Variants in TAF2 observed in about 807,000 individuals in gnomAD.
TAF2 encodes the protein TATA-box binding protein associated factor 2, also known as transcription initiation factor TFIID subunit 2.
A neutral mutation model predicts 138.5 loss-of-function variants in TAF2; 61 were observed. That is an observed-to-expected ratio of 0.44 (90% CI 0.36 to 0.54). The LOEUF (loss-of-function observed/expected upper bound fraction) is 0.54. Ranked by LOEUF, TAF2 falls within the 20% of genes least tolerant of loss-of-function variation. TAF2 has a pLI of 0.00. For synonymous variants in TAF2, 475 were observed against 469.9 expected, an observed-to-expected ratio of 1.01 and a Z score of -0.14; for missense variants, 1,090 against 1,427.9, an observed-to-expected ratio of 0.76 and a Z score of 3.81.
At chr8:119,831,223 T>C (rs1303963462) in intron 2 of TAF2, among the ~76,000 whole-genome samples, 3 of 152,206 alleles carry the variant, frequency 2.0e-5, no homozygotes, top group African/African-American at 4.8e-5. Flanking sequence ...AGAGGGTTTC[T>C]AGATCTCAAA....
At chr8:119,766,757 C>T (rs1349067539) in intron 18 of TAF2, among the ~76,000 whole-genome samples, 1 of 151,976 alleles carries the variant, frequency 6.6e-6, no homozygotes, top group Non-Finnish European at 1.5e-5. Context: ...TTGCTTGAAC[C>T]CAGGAGGCAG....
In TAF2 at chr8:119,795,544, A is replaced by G. The variant is rs945220042; in HGVS notation, c.1179T>C (p.His393=). 6.2e-6 allele frequency: 10 copies of G among 1,613,476 alleles called. No individual in the cohort carries two copies. In the Admixed American group the frequency reaches 1.2e-4, roughly 19 times the overall value. ...TAGCTGTTATTACCTCTTTAATCCAATGGCGGTACTCATTAACACCAAAAG... is the reference window on the plus strand; with the variant it reads ...TAGCTGTTATTACCTCTTTAATCCAGTGGCGGTACTCATTAACACCAAAAG... The part of the protein sequence containing the change: ...KKTFGVNEYR[H]WIKEELDKIV... Residue 393 remains histidine (H), a synonymous_variant, in exon 9 of 26, where the codon CAT becomes CAC. Transcript: ENST00000378164.
intron 2 of TAF2, among the ~76,000 whole-genome samples, chr8:119,829,899 G>A (rs1403232184): frequency 8.3e-4 from 113 of 136,692 alleles, no homozygotes; most frequent in African/African-American, 3.0e-3. Context: ...TTGCTCCGTC[G>A]CCCAGGCTGG....
chr8:119,750,021 ACAC>A (rs1820240482), intron 22 of TAF2, among the ~76,000 whole-genome samples: 1 of 152,214 alleles, frequency 6.6e-6, no homozygotes, highest in Admixed American at 6.5e-5. Context: ...CTTGAGACAA[ACAC>A]CACCAAAGTA....
At chr8:119,810,129 A>G (rs1342684837) in intron 3 of TAF2, among the ~76,000 whole-genome samples, 1 of 152,016 alleles carries the variant, frequency 6.6e-6, no homozygotes, top group Non-Finnish European at 1.5e-5. Context: ...GGGGGTGTAC[A>G]GTTGTACAAA....
At chr8:119,777,351 C>T (rs1237702008) in intron 18 of TAF2, among the ~76,000 whole-genome samples, 1 of 152,036 alleles carries the variant, frequency 6.6e-6, no homozygotes, top group African/African-American at 2.4e-5. Context: ...TCTGATTTCC[C>T]TATCAGGTTG....
In TAF2 at chr8:119,732,105, G is replaced by A. The variant is rs1818913007; in HGVS notation, c.3419C>T (p.Ala1140Val). The A allele has an allele frequency of 6.2e-7, 1 of 1,613,998 alleles. No individual in the cohort carries two copies. The highest frequency in any genetic ancestry group is 1.3e-5 in the African/African-American group (1 of 74,904). Residue 1140 changes from alanine to valine, a missense_variant, in exon 26 of 26, where the codon GCC (alanine) becomes GTC (valine). Ala to Val is a moderately conservative substitution (Grantham distance 64). Coordinates refer to ENST00000378164, the MANE Select transcript of TAF2 (RefSeq NM_003184.4). ...PLSVFTKEST[A>V]SKHSDHHHHH... ...GTGATGGTGGTCACTGTGTTTGGAG[G>A]CTGTAGATTCCTTAGTAAAGACTGA...
intron 2 of TAF2, among the ~76,000 whole-genome samples, chr8:119,829,703 A>C (rs1180610250): frequency 6.6e-6 from 1 of 152,096 alleles, no homozygotes; most frequent in East Asian, 1.9e-4. Flanking sequence ...AGCCACATGC[A>C]ACTTCTATTG....
chr8:119,750,506 C>G (rs1820275783), intron 22 of TAF2, among the ~76,000 whole-genome samples: 1 of 152,192 alleles, frequency 6.6e-6, no homozygotes, highest in South Asian at 2.1e-4. Context: ...AAATACAACT[C>G]TCACTGGGTA....
intron 22 of TAF2, 140 bp from the exon 23 acceptor site, chr8:119,747,074 A>G (rs1214430381): frequency 1.2e-6 from 1 of 841,242 alleles, no homozygotes; most frequent in Non-Finnish European, 1.9e-6. Context: ...AATGAATACT[A>G]GACATCAACC....
intron 2 of TAF2, among the ~76,000 whole-genome samples, chr8:119,828,996 A>G (rs990519898): frequency 3.9e-5 from 6 of 152,224 alleles, no homozygotes; most frequent in African/African-American, 1.4e-4. Flanking sequence ...ACAAGTAGTC[A>G]GCCATTACCA....
chr8:119,823,796 T>A (rs975810429), intron 2 of TAF2, among the ~76,000 whole-genome samples: 4 of 152,336 alleles, frequency 2.6e-5, no homozygotes, highest in African/African-American at 7.2e-5. Flanking sequence ...AGTTTGGAAC[T>A]TCCTATAGAC....
At chr8:119,819,987 A>G (rs1825718259) in intron 2 of TAF2, among the ~76,000 whole-genome samples, 1 of 152,194 alleles carries the variant, frequency 6.6e-6, no homozygotes, top group Admixed American at 6.5e-5. Context: ...CAAGAGCTAC[A>G]AAAGATACCA....
chr8:119,760,302 C>T (rs1265724257), intron 20 of TAF2, among the ~76,000 whole-genome samples: 1 of 152,008 alleles, frequency 6.6e-6, no homozygotes, highest in Non-Finnish European at 1.5e-5. Flanking sequence ...TTCTTGAATC[C>T]TTCTTAGAAA....
intron 21 of TAF2, among the ~76,000 whole-genome samples, chr8:119,756,607 T>C (rs764154083): frequency 1.3e-5 from 2 of 152,216 alleles, no homozygotes; most frequent in Non-Finnish European, 2.9e-5. Context: ...ATGTCATTAC[T>C]GTATTTGTAA....
chr8:119,731,038 T>G lies in TAF2; in HGVS notation c.*886A>C, dbSNP rs1459001269. 2 of 152,204 alleles carry G rather than the reference T, an allele frequency of 1.3e-5. No homozygotes were observed. The highest frequency in any genetic ancestry group is 2.9e-5 in the Non-Finnish European group (2 of 68,030). 9.4% of individuals were successfully genotyped at this position (152,204 alleles called of 1,614,324 possible). ...GCCAAATTGTCTATTTCCAGGTTAA[T>G]AAACAATATATAAGCTCACCTTTTT... is the stretch of plus-strand genomic sequence containing the variant. On this transcript the variant is annotated 3_prime_UTR_variant, in exon 26 of 26. Transcript: ENST00000378164.
Position 119,832,782 on chromosome 8 carries a change from G to C in TAF2, c.-218C>G, listed in dbSNP as rs1826550583. ...GCCGTCGACAAGCTTCTGTCACAGA[G>C]ATGCTCCTCTCCGCAAGGGCTCGAA... On this transcript the variant is annotated 5_prime_UTR_variant, in exon 1 of 26. The change creates a new upstream start codon in the 5' untranslated region. Transcript: ENST00000378164. 4 of 507,998 alleles carry C rather than the reference G, an allele frequency of 7.9e-6. No individual in the cohort carries two copies. The East Asian group carries it at 9.3e-5, about 12-fold the overall frequency. The allele number at this position is 507,998 out of a possible 1,614,324, so 31.5% of individuals were successfully genotyped here. A position where few individuals can be genotyped will look rare whatever the true frequency, so the allele number is the denominator to read the frequency against.
intron 25 of TAF2, among the ~76,000 whole-genome samples, chr8:119,741,422 A>C (rs1464684786): frequency 6.6e-6 from 1 of 152,238 alleles, no homozygotes; most frequent in African/African-American, 2.4e-5. Context: ...TCAAAATTAC[A>C]CCAAAACCAA....
Position 119,756,117 on chromosome 8 carries a change from T to C in TAF2, c.2769-2A>G. The C allele has an allele frequency of 6.2e-7, 1 of 1,610,830 alleles. No individual in the cohort carries two copies. Among genetic ancestry groups the C allele is most frequent in the Non-Finnish European group, 8.5e-7 (1 of 1,177,452 alleles). ...GTCAACATGTTGAGAATCTTATGCC[T>C]GAAAGATTAAAAAAAATTAAATTTT... On this transcript the variant is annotated splice_acceptor_variant, in intron 21 of 25. Transcript: ENST00000378164. LOFTEE classifies it high-confidence loss of function.
Sources: allele counts gnomAD v4.1 joint callset (sites outside exome capture counted in the v4.1 genomes callset), GRCh38; gene constraint gnomAD v4.1.1; transcripts MANE v1.5; gene names NCBI Gene and HGNC (gene_info 2026-07-23, HGNC 2026-07-21).